Variants in C12orf42 observed in about 807,000 individuals in gnomAD.
C12orf42 encodes uncharacterized protein C12orf42.
C12orf42 carries 25 observed loss-of-function variants against 21.6 expected under a neutral mutation model. That is an observed-to-expected ratio of 1.16 (90% confidence interval 0.84 to 1.62). The LOEUF (loss-of-function observed/expected upper bound fraction) is 1.62. Ranked by LOEUF, C12orf42 falls within the 40% of genes most tolerant of loss-of-function variation. C12orf42 has a pLI of 0.00. For missense variants in C12orf42, 483 were observed against 459.3 expected (o/e 1.05, Z -0.47); for synonymous variants, 174 against 175.0 (o/e 0.99, Z 0.05).
At chr12:103,496,482 C>T (rs1439973647), upstream of C12orf42, among the ~76,000 whole-genome samples, 3 of 152,164 alleles carry the variant, frequency 2.0e-5, no homozygotes, top group Non-Finnish European at 4.4e-5. Context: ...TCTTCCTCAT[C>T]TCTATCCCAC....
At chr12:103,339,815 T>C (rs2042019972) in intron 4 of C12orf42, among the ~76,000 whole-genome samples, 1 of 152,220 alleles carries the variant, frequency 6.6e-6, no homozygotes, top group African/African-American at 2.4e-5. Flanking sequence ...GATCATAGCA[T>C]TTTGGAACTT....
chr12:103,377,153 G>C (rs1409229452), intron 3 of C12orf42, among the ~76,000 whole-genome samples: 1 of 151,932 alleles, frequency 6.6e-6, no homozygotes, highest in Non-Finnish European at 1.5e-5. Flanking sequence ...TAGGGTCTGG[G>C]CTTGCCTTAG....
intron 1 of C12orf42, among the ~76,000 whole-genome samples, chr12:103,484,863 G>GTTTTTTTTT (rs56025837): frequency 4.2e-5 from 3 of 71,692 alleles, no homozygotes; most frequent in Non-Finnish European, 5.3e-5. Flanking sequence ...TCTGGTTTCA[G>GTTTTTTTTT]TTTTTTTTTT....
chr12:103,157,251 G>T, the C12orf42 span, among the ~76,000 whole-genome samples: 1 of 151,954 alleles, frequency 6.6e-6, no homozygotes, highest in African/African-American at 2.4e-5. Flanking sequence ...TTTCATGTTT[G>T]CTGGTCACAT....
At chr12:103,178,845 GAGT>G in the C12orf42 span, among the ~76,000 whole-genome samples, 1 of 152,196 alleles carries the variant, frequency 6.6e-6, no homozygotes, top group African/African-American at 2.4e-5. Flanking sequence ...AATAAACAAA[GAGT>G]GGTCAGTAAC....
the C12orf42 span, among the ~76,000 whole-genome samples, chr12:103,107,930 TAA>T: frequency 2.0e-5 from 3 of 151,552 alleles, no homozygotes; most frequent in Non-Finnish European, 4.4e-5. Flanking sequence ...TTAAAAGTAT[TAA>T]GTGATATTTT....
chr12:103,417,454 T>C (rs1332901592), intron 2 of C12orf42, among the ~76,000 whole-genome samples: 11 of 152,212 alleles, frequency 7.2e-5, no homozygotes, highest in Admixed American at 7.2e-4. Context: ...AGCTCCTTTA[T>C]CCAAACCATC....
chr12:103,319,964 G>T (rs1023129358), intron 4 of C12orf42, among the ~76,000 whole-genome samples: 2 of 152,202 alleles, frequency 1.3e-5, no homozygotes, highest in African/African-American at 2.4e-5. Flanking sequence ...GACAGCCATT[G>T]TTCAAGGCCA....
At chr12:103,294,436 A>G (rs375641735) in intron 4 of C12orf42, among the ~76,000 whole-genome samples, 1,592 of 111,878 alleles carry the variant, frequency 0.014, 23 homozygotes, top group African/African-American at 0.045. Flanking sequence ...GAGAGAAAGA[A>G]AGAAAGAAAG....
chr12:103,220,181 G>A, the C12orf42 span, among the ~76,000 whole-genome samples: 332 of 152,214 alleles, frequency 2.2e-3, no homozygotes, highest in Admixed American at 3.7e-3. Context: ...AACGCCACAC[G>A]TACTCACTCA....
chr12:103,232,660 G>A (rs1361528448), downstream of C12orf42, among the ~76,000 whole-genome samples: 2 of 145,416 alleles, frequency 1.4e-5, no homozygotes, highest in Admixed American at 7.0e-5. Flanking sequence ...GAAGTGAGCC[G>A]AGATCACGCC....
the C12orf42 span, among the ~76,000 whole-genome samples, chr12:103,186,548 C>T: frequency 6.6e-6 from 1 of 152,054 alleles, no homozygotes; most frequent in South Asian, 2.1e-4. Flanking sequence ...TTGCTCTTGG[C>T]AGAAACTTTA....
chr12:103,374,785 G>A (rs1303825389), intron 3 of C12orf42, among the ~76,000 whole-genome samples: 2 of 152,158 alleles, frequency 1.3e-5, no homozygotes, highest in Admixed American at 6.5e-5. Flanking sequence ...CCTGGGCCAT[G>A]TGTGGCTTGC....
At chr12:103,226,618 C>G in the C12orf42 span, among the ~76,000 whole-genome samples, 1 of 151,962 alleles carries the variant, frequency 6.6e-6, no homozygotes, top group Non-Finnish European at 1.5e-5. Context: ...GGGCTAGTCA[C>G]GGAAAGAAAC....
chr12:103,092,474 G>A, the C12orf42 span, among the ~76,000 whole-genome samples: 1 of 152,146 alleles, frequency 6.6e-6, no homozygotes, highest in Non-Finnish European at 1.5e-5. Context: ...TGAGGTCTAA[G>A]TTAACAGACC....
At chr12:103,135,456 C>CA in the C12orf42 span, among the ~76,000 whole-genome samples, 45,313 of 145,300 alleles carry the variant, frequency 0.31, 7,346 homozygotes, top group East Asian at 0.46. Flanking sequence ...GACACTATCT[C>CA]AAAAAGAAAA....
chr12:103,531,793 C>T, the C12orf42 span, among the ~76,000 whole-genome samples: 89 of 152,330 alleles, frequency 5.8e-4, no homozygotes, highest in African/African-American at 2.0e-3. Context: ...GTTGGTTACA[C>T]AGGTTGTTGG....
At chr12:103,232,902 T>C (rs1414211264), downstream of C12orf42, among the ~76,000 whole-genome samples, 5 of 152,192 alleles carry the variant, frequency 3.3e-5, no homozygotes, top group Non-Finnish European at 4.4e-5. Context: ...TTTGAGTTTT[T>C]TTATTGATAC....
downstream of C12orf42, among the ~76,000 whole-genome samples, chr12:103,264,735 T>TA (rs1018372418): frequency 1.3e-5 from 2 of 152,154 alleles, no homozygotes; most frequent in East Asian, 3.9e-4. Context: ...TAACAAGTGC[T>TA]AAAAAATAAT....
Sources: allele counts gnomAD v4.1 joint callset (sites outside exome capture counted in the v4.1 genomes callset), GRCh38; gene constraint gnomAD v4.1.1; transcripts MANE v1.5; gene names NCBI Gene and HGNC (gene_info 2026-07-23, HGNC 2026-07-21).